The following AGPAT5 variants were observed in gnomAD, a reference collection of about 807,000 sequenced individuals.
AGPAT5 encodes 1-acylglycerol-3-phosphate O-acyltransferase 5.
In AGPAT5, 46 loss-of-function variants were observed where a neutral mutation model predicts 45.6. The observed-to-expected ratio is 1.01, with a 90% CI of 0.80 to 1.29. AGPAT5 has a LOEUF of 1.29. Among genes scored for constraint, AGPAT5 ranks in the 50% most tolerant of loss-of-function variants. The pLI is 0.00. For missense variants in AGPAT5, 673 were observed against 450.7 expected (o/e 1.49, Z -4.47); for synonymous variants, 272 against 167.0 (o/e 1.63, Z -4.85).
At chr8:6,740,629 T>C (rs982389284) in intron 4 of AGPAT5, among the ~76,000 whole-genome samples, 1 of 151,940 alleles carries the variant, frequency 6.6e-6, no homozygotes, top group Non-Finnish European at 1.5e-5. Context: ...GCGTGGAAGC[T>C]GAAAGTACGA....
intron 1 of AGPAT5, among the ~76,000 whole-genome samples, chr8:6,723,288 T>C (rs1057244050): frequency 6.6e-6 from 1 of 152,100 alleles, no homozygotes; most frequent in Non-Finnish European, 1.5e-5. Flanking sequence ...TGTCATTAGG[T>C]GTGCAGTGTG....
intron 5 of AGPAT5, among the ~76,000 whole-genome samples, chr8:6,744,898 G>C (rs1282238968): frequency 6.6e-6 from 1 of 152,116 alleles, no homozygotes; most frequent in African/African-American, 2.4e-5. Flanking sequence ...CCCTTCCTTA[G>C]CAGTGGAGAA....
intron 2 of AGPAT5, among the ~76,000 whole-genome samples, chr8:6,729,262 T>C (rs1255174941): frequency 6.6e-6 from 1 of 152,124 alleles, no homozygotes; most frequent in Non-Finnish European, 1.5e-5. Context: ...GAGCTAATCA[T>C]CTTGTAATCT....
At position 6,711,500 on chromosome 8, in the gene AGPAT5, T is replaced by G. The variant is rs1250238547; in HGVS notation, c.219+2613T>G. Among the ~76,000 whole-genome samples, 11 of 152,222 alleles carry G rather than the reference T, an allele frequency of 7.2e-5. No homozygotes were observed. The East Asian group carries it at 2.1e-3, about 29-fold the overall frequency. ...TTCTTTAGAATAAGTAATAAGAATT[T>G]TATAAGCTTTTTTATATTTCACGTA... On this transcript the variant is annotated intron_variant, in intron 1 of 7. Coordinates refer to ENST00000285518, the MANE Select transcript of AGPAT5 (RefSeq NM_018361.5).
Position 6,757,188 on chromosome 8 carries a change from C to T in AGPAT5, c.895C>T (p.Pro299Ser), listed in dbSNP as rs1293194079. 1 of 1,613,822 alleles carries T rather than the reference C, an allele frequency of 6.2e-7. No individual in the cohort carries two copies. Residue 299 changes from proline to serine, a missense_variant, in exon 8 of 8, where the codon CCA becomes TCA. By Grantham distance (74) the Pro-to-Ser change is moderately conservative. Coordinates refer to ENST00000285518, the MANE Select transcript of AGPAT5 (RefSeq NM_018361.5). Reference sequence around the variant, plus strand: ...GATGCTTATAGAATTTTATGAGTCACCAGATCCAGAAAGAAGAAAAAGATT... The same window carrying T: ...GATGCTTATAGAATTTTATGAGTCATCAGATCCAGAAAGAAGAAAAAGATT... ...DKMLIEFYES[P>S]DPERRKRFPG...
At position 6,757,975 on chromosome 8, in the gene AGPAT5, A is replaced by C. The variant is rs191019804; in HGVS notation, c.*587A>C. 6.6e-6 allele frequency: 1 copy of C among 152,360 alleles called. No individual in the cohort carries two copies. The highest frequency in any genetic ancestry group is 6.5e-5 in the Admixed American group (1 of 15,302). 9.4% of individuals were successfully genotyped at this position (152,360 alleles called of 1,614,324 possible). On this transcript the variant is annotated 3_prime_UTR_variant, in exon 8 of 8. Coordinates refer to ENST00000285518, the MANE Select transcript of AGPAT5 (RefSeq NM_018361.5). The stretch of plus-strand genomic sequence containing the variant: ...ATTGCGTTATTAGCTGATTTTACTC[A>C]TTTTATATTTGCAAAATAAATTTCT...
At chr8:6,721,786 G>A (rs1321305584) in intron 1 of AGPAT5, among the ~76,000 whole-genome samples, 1 of 152,192 alleles carries the variant, frequency 6.6e-6, no homozygotes, top group Admixed American at 6.5e-5. Flanking sequence ...AACAGGAGAA[G>A]AGGCATACAC....
chr8:6,715,196 T>G (rs1800280402), intron 1 of AGPAT5, among the ~76,000 whole-genome samples: 2 of 152,122 alleles, frequency 1.3e-5, no homozygotes, highest in East Asian at 3.9e-4. Flanking sequence ...AAATGAAAAT[T>G]TACTGTGCCA....
intron 2 of AGPAT5, among the ~76,000 whole-genome samples, chr8:6,727,989 G>C (rs993547458): frequency 7.2e-5 from 11 of 152,192 alleles, no homozygotes; most frequent in Non-Finnish European, 2.9e-5. Flanking sequence ...ATTTAAAAGT[G>C]GTTGTGATGA....
At position 6,708,663 on chromosome 8, in the gene AGPAT5, G is replaced by C. The variant is rs1432429577; in HGVS notation, c.-6G>C. The C allele has an allele frequency of 3.2e-6, 5 of 1,563,300 alleles. No homozygotes were observed. The highest frequency in any genetic ancestry group is 3.4e-4 in the Middle Eastern group (2 of 5,898). ...AGGCGGAGCTCGCTGCCGCCGAGCT[G>C]AGAAGATGCTGCTGTCCCTGGTGCT... On this transcript the variant is annotated 5_prime_UTR_variant, in exon 1 of 8. Transcript: ENST00000285518.
At chr8:6,725,703 A>G (rs905092807) in intron 2 of AGPAT5, among the ~76,000 whole-genome samples, 1 of 152,198 alleles carries the variant, frequency 6.6e-6, no homozygotes, top group Non-Finnish European at 1.5e-5. Context: ...TCAAACCTGT[A>G]GCTACTTTTG....
intron 1 of AGPAT5, among the ~76,000 whole-genome samples, chr8:6,716,972 A>C (rs1587003683): frequency 6.6e-6 from 1 of 152,328 alleles, no homozygotes; most frequent in African/African-American, 2.4e-5. Flanking sequence ...CTAGTTGATA[A>C]GTTTTGCTCT....
In AGPAT5 at chr8:6,757,511, T is replaced by G. The variant is rs1801885199; in HGVS notation, c.*123T>G. 2 of 758,618 alleles carry G rather than the reference T, an allele frequency of 2.6e-6. No homozygotes were observed. Among genetic ancestry groups the G allele is most frequent in the Admixed American group, 2.8e-5 (1 of 36,052 alleles). The allele number at this position is 758,618 out of a possible 1,614,324, so 47.0% of individuals were successfully genotyped here. On this transcript the variant is annotated 3_prime_UTR_variant, in exon 8 of 8. Coordinates refer to ENST00000285518, the MANE Select transcript of AGPAT5 (RefSeq NM_018361.5). ...AAATAAAGCCTTGTTGATTGAAGATTGGATAATAGAATTTGTGACGAAAGC... is the reference window on the plus strand; with the variant it reads ...AAATAAAGCCTTGTTGATTGAAGATGGGATAATAGAATTTGTGACGAAAGC...
Position 6,757,247 on chromosome 8 carries a change from C to T in AGPAT5, c.954C>T (p.Ile318=). The change falls in exon 8 of 8, where the codon ATC becomes ATT. Residue 318 remains isoleucine, a synonymous_variant. Coordinates refer to ENST00000285518, the MANE Select transcript of AGPAT5 (RefSeq NM_018361.5). The stretch of plus-strand genomic sequence containing the variant: ...AAAGTGTTAATTCCAAATTAAGTAT[C>T]AAGAAGACTTTACCATCAATGTTGA... ...PGKSVNSKLS[I]KKTLPSMLIL... 1 of 1,614,116 alleles carries T rather than the reference C, an allele frequency of 6.2e-7. No individual in the cohort carries two copies. Among genetic ancestry groups the T allele is most frequent in the Non-Finnish European group, 8.5e-7 (1 of 1,179,996 alleles).
At chr8:6,716,063 C>G (rs1361668227) in intron 1 of AGPAT5, among the ~76,000 whole-genome samples, 2 of 152,166 alleles carry the variant, frequency 1.3e-5, no homozygotes, top group Non-Finnish European at 2.9e-5. Context: ...AATTCCAACT[C>G]AAGCCCTTGC....
intron 2 of AGPAT5, among the ~76,000 whole-genome samples, chr8:6,728,814 A>G (rs1160911942): frequency 1.3e-5 from 2 of 152,246 alleles, no homozygotes; most frequent in African/African-American, 4.8e-5. Context: ...TATGGTTTCT[A>G]AGACATGACT....
chr8:6,748,215 G>C lies in AGPAT5; in HGVS notation c.745+387G>C, dbSNP rs748040600. The stretch of plus-strand genomic sequence containing the variant: ...TTTTCGTAAAATATTTATTAAATTT[G>C]GGTGTCATTGTGACAAGAAGAAATG... On this transcript the variant is annotated intron_variant, in intron 6 of 7. Transcript: ENST00000285518. Among the ~76,000 whole-genome samples, 200 of 152,284 alleles carry C rather than the reference G, an allele frequency of 1.3e-3. 3 individuals carry two copies. Among genetic ancestry groups the C allele is most frequent in the Non-Finnish European group, 2.3e-3 (157 of 68,018 alleles).
Position 6,732,646 on chromosome 8 carries a change from C to G in AGPAT5, c.491C>G (p.Thr164Ser), listed in dbSNP as rs1587028886. ...NKLQSYVDAG[T>S]PMYLVIFPEG... ...TTGCAGAGCTACGTGGACGCAGGAA[C>G]TCCAGTAAGAGCCTACCCGTTTTTA... The change falls in exon 4 of 8, where the codon ACT (threonine) becomes AGT (serine). Residue 164 changes from threonine to serine, a missense_variant. By Grantham distance (58) the Thr-to-Ser change is moderately conservative. Transcript: ENST00000285518. 6.2e-7 allele frequency: 1 copy of G among 1,604,822 alleles called. No homozygotes were observed. The highest frequency in any genetic ancestry group is 8.5e-7 in the Non-Finnish European group (1 of 1,177,356).
chr8:6,750,754 A>G (rs1420125809), intron 6 of AGPAT5, among the ~76,000 whole-genome samples: 3 of 152,230 alleles, frequency 2.0e-5, no homozygotes, highest in East Asian at 1.9e-4. Flanking sequence ...TAGATTGGCA[A>G]ACATCCCAAG....
Sources: gnomAD v4.1 joint callset for allele counts (sites outside exome capture counted in the v4.1 genomes callset) on GRCh38, gnomAD v4.1.1 for gene constraint, MANE v1.5 for transcripts, NCBI Gene and HGNC (gene_info 2026-07-23, HGNC 2026-07-21) for gene names.